CACNA1A: variants seen among roughly 807,000 people sequenced by gnomAD.
CACNA1A encodes the protein voltage-dependent P/Q-type calcium channel subunit alpha-1A.
CACNA1A carries 57 observed loss-of-function variants against 262.4 expected under a neutral mutation model. The observed-to-expected ratio is 0.22, with a 90% CI of 0.18 to 0.27. CACNA1A has a LOEUF of 0.27. Among genes scored for constraint, CACNA1A ranks in the 10% least tolerant of loss-of-function variants. The probability of loss-of-function intolerance (pLI) is 1.00; values close to 1 mark genes in which losing one functional copy is unlikely to be tolerated. For synonymous variants in CACNA1A, 1,431 were observed against 1,419.3 expected (o/e 1.01, Z -0.18); for missense variants, 2,526 against 3,562.8 (o/e 0.71, Z 7.41).
In CACNA1A at chr19:13,298,827, G is replaced by C. The variant is rs1318353774; in HGVS notation, c.2806C>G (p.Gln936Glu). 2.5e-6 allele frequency: 4 copies of C among 1,575,770 alleles called. No individual in the cohort carries two copies. Among genetic ancestry groups the C allele is most frequent in the Non-Finnish European group, 2.6e-6 (3 of 1,171,008 alleles). ...GDPHRRHVHR[Q>E]GGSRESRSGS... ...CTGCGGCTCTCCCTGCTGCCCCCCT[G>C]CCGGTGCACGTGCCTCCGGTGGGGG... Residue 936 changes from glutamine (Q) to glutamate (E), a missense_variant, in exon 19 of 47, where the codon CAG becomes GAG. By Grantham distance (29) the Gln-to-Glu change is conservative. This residue lies in a region of CACNA1A where 765 missense variants were observed against 748.6 expected (regional missense o/e 1.02). Transcript: ENST00000360228.
chr19:13,312,650 T>C lies in CACNA1A; in HGVS notation c.1668+19A>G, dbSNP rs771087905. The C allele has an allele frequency of 2.9e-5, 42 of 1,438,876 alleles. No homozygotes were observed. Among genetic ancestry groups the C allele is most frequent in the Non-Finnish European group, 3.5e-5 (36 of 1,040,184 alleles). The allele number at this position is 1,438,876 out of a possible 1,614,324, so 89.1% of individuals were successfully genotyped here. ...GGCAAGAGCTGGAGAAATGAACTCT[T>C]AGAAACAAGAGCACTTACCCCACAG... On this transcript the variant is annotated intron_variant, in intron 12 of 46. Transcript: ENST00000360228.
intron 3 of CACNA1A, among the ~76,000 whole-genome samples, chr19:13,436,492 T>C (rs1470201304): frequency 6.6e-6 from 1 of 152,228 alleles, no homozygotes; most frequent in East Asian, 1.9e-4. Context: ...TATTATCAGC[T>C]ATGAATTCAT....
chr19:13,308,542 C>T lies in CACNA1A; in HGVS notation c.1669-14G>A. The T allele has an allele frequency of 6.5e-7, 1 of 1,546,548 alleles. No individual in the cohort carries two copies. The highest frequency in any genetic ancestry group is 8.9e-7 in the Non-Finnish European group (1 of 1,123,284). On this transcript the variant is annotated splice_polypyrimidine_tract_variant and intron_variant, in intron 12 of 46. Transcript: ENST00000360228. The surrounding 1 kb of genome is among the most constrained non-coding windows in gnomAD (Gnocchi z 4.2). ...CCCAATGATAACCTAGGGCAGAGAA[C>T]CTGGTCTCATGTCCAGGGACAGTGT...
At position 13,209,379 on chromosome 19, in the gene CACNA1A, C is replaced by A. The variant is rs1445485744; in HGVS notation, c.6459G>T (p.Gln2153His). 1 of 1,396,918 alleles carries A rather than the reference C, an allele frequency of 7.2e-7. No homozygotes were observed. The highest frequency in any genetic ancestry group is 2.8e-5 in the East Asian group (1 of 36,038). 86.5% of individuals were successfully genotyped at this position (1,396,918 alleles called of 1,614,324 possible). Residue 2153 changes from glutamine to histidine, a missense_variant, in exon 45 of 47, where the codon CAG (glutamine) becomes CAT (histidine). By Grantham distance (24) the Gln-to-His change is conservative. This residue lies in a region of CACNA1A where 929 missense variants were observed against 868.1 expected (regional missense o/e 1.07). Coordinates refer to ENST00000360228, the MANE Select transcript of CACNA1A (RefSeq NM_001127222.2). Reference sequence around the variant, plus strand: ...CGCGGTGGCTGCGGTCGCGGCGCCGCTGGTGGTGCCGCTGGTTCTCCTCGG... The same window carrying A: ...CGCGGTGGCTGCGGTCGCGGCGCCGATGGTGGTGCCGCTGGTTCTCCTCGG... ...VPPEENQRHH[Q>H]RRRDRSHRAS...
chr19:13,225,815 T>C lies in CACNA1A; in HGVS notation c.5626-1043A>G, dbSNP rs897657402. On this transcript the variant is annotated intron_variant, in intron 37 of 46. Transcript: ENST00000360228. ...GCAGGTTGTACACCGCACAAAGGGC[T>C]CCCATCTTGGAAATGATAGATTTAT... is the stretch of plus-strand genomic sequence containing the variant. 8 of 152,150 alleles carry C rather than the reference T, an allele frequency of 5.3e-5. No individual in the cohort carries two copies. In the East Asian group the frequency reaches 9.6e-4, roughly 18 times the overall value. 9.4% of individuals were successfully genotyped at this position (152,150 alleles called of 1,614,324 possible). A position where few individuals can be genotyped will look rare whatever the true frequency, so the allele number is the denominator to read the frequency against.
At chr19:13,363,277 G>A (rs903951541) in intron 5 of CACNA1A, 3 of 150,752 alleles carry the variant, frequency 2.0e-5, no homozygotes, top group Admixed American at 1.3e-4. Flanking sequence ...CTCTGCTCAC[G>A]GCTGATTTTT....
intron 10 of CACNA1A, among the ~76,000 whole-genome samples, chr19:13,320,628 G>T (rs747768952): frequency 2.0e-5 from 3 of 152,122 alleles, no homozygotes; most frequent in Non-Finnish European, 4.4e-5. Context: ...AGAGGGAAAT[G>T]AATATTAATT....
At chr19:13,272,523 C>A (rs996745324) in intron 24 of CACNA1A, 3 of 152,260 alleles carry the variant, frequency 2.0e-5, no homozygotes, top group African/African-American at 7.2e-5. Flanking sequence ...CAGCTTTCTC[C>A]AAGCTACACG....
At chr19:13,323,639 G>T (rs1281721818) in intron 10 of CACNA1A, among the ~76,000 whole-genome samples, 1 of 151,824 alleles carries the variant, frequency 6.6e-6, no homozygotes, top group African/African-American at 2.4e-5. Context: ...CTGTTGAGTT[G>T]TTTGAGTTCC....
At chr19:13,302,332 C>T (rs920201435) in intron 17 of CACNA1A, among the ~76,000 whole-genome samples, 6 of 152,180 alleles carry the variant, frequency 3.9e-5, no homozygotes, top group Admixed American at 6.5e-5. Flanking sequence ...CCCTGCTCCA[C>T]GGAGGCAGGG....
chr19:13,228,616 ATATATATATGAAATATATATATT>A, intron 36 of CACNA1A: 1 of 319,964 alleles, frequency 3.1e-6, no homozygotes, highest in Admixed American at 5.0e-5. Flanking sequence ...ATATATATAT[ATATATATATGAAATATATATATT>A]GAAGAACCCC....
intron 3 of CACNA1A, among the ~76,000 whole-genome samples, chr19:13,436,481 G>C (rs561601557): frequency 6.6e-6 from 1 of 152,158 alleles, no homozygotes; most frequent in Non-Finnish European, 1.5e-5. Flanking sequence ...CATGAAGCCT[G>C]TATTATCAGC....
At position 13,400,530 on chromosome 19, in the gene CACNA1A, ATCT is replaced by A. The variant is rs558889156; in HGVS notation, c.540-28754_540-28752del. Reference sequence around the variant, plus strand: ...CCATCATGCTCACTGACTTTAAGAAATCTTCTATTTTTTGCAAGGTTGGTAATT... The same window carrying A: ...CCATCATGCTCACTGACTTTAAGAAATCTATTTTTTGCAAGGTTGGTAATT... On this transcript the variant is annotated intron_variant, in intron 3 of 46. Coordinates refer to ENST00000360228, the MANE Select transcript of CACNA1A (RefSeq NM_001127222.2). Among the ~76,000 whole-genome samples, 40 of 152,234 alleles carry A rather than the reference ATCT, an allele frequency of 2.6e-4. 1 individual carries two copies. In the South Asian group the frequency reaches 7.3e-3, roughly 28 times the overall value.
At position 13,286,500 on chromosome 19, in the gene CACNA1A, C is replaced by A. The variant is rs1057518586; in HGVS notation, c.3553+3G>T. 2 of 1,395,696 alleles carry A rather than the reference C, an allele frequency of 1.4e-6. No homozygotes were observed. The highest frequency in any genetic ancestry group is 2.9e-5 in the South Asian group (2 of 69,404). The allele number at this position is 1,395,696 out of a possible 1,614,324, so 86.5% of individuals were successfully genotyped here. On this transcript the variant is annotated splice_donor_region_variant and intron_variant, in intron 20 of 46. Transcript: ENST00000360228. ...CCAGTGATGTGAGAGCAGAGGGTCT[C>A]ACCTTGTACGACGGTGTGGTTGAGG... is the stretch of plus-strand genomic sequence containing the variant.
intron 1 of CACNA1A, among the ~76,000 whole-genome samples, chr19:13,485,296 A>G (rs1367891712): frequency 6.6e-6 from 1 of 152,242 alleles, no homozygotes; most frequent in Non-Finnish European, 1.5e-5. Context: ...GAAATAACAT[A>G]AAATATATCC....
At chr19:13,464,747 A>G (rs1010950112) in intron 1 of CACNA1A, among the ~76,000 whole-genome samples, 1 of 151,356 alleles carries the variant, frequency 6.6e-6, no homozygotes, top group East Asian at 2.0e-4. Context: ...ACGGGGTTTC[A>G]CCGTGTTAGC....
chr19:13,259,467 C>T (rs778819539), intron 27 of CACNA1A, 97 bp downstream of exon 27: 16 of 1,232,338 alleles, frequency 1.3e-5, no homozygotes, highest in Middle Eastern at 2.8e-4. Flanking sequence ...CCACCATGCC[C>T]GGCCTCCAAG....
intron 19 of CACNA1A, among the ~76,000 whole-genome samples, 152 bp downstream of exon 19, chr19:13,298,392 G>A (rs1243350554): frequency 2.6e-5 from 4 of 151,968 alleles, no homozygotes; most frequent in African/African-American, 9.7e-5. Context: ...GCCTCCCAAA[G>A]TGCTGGGATT....
chr19:13,392,400 GGGCA>G (rs2059725983), intron 3 of CACNA1A, among the ~76,000 whole-genome samples: 1 of 152,150 alleles, frequency 6.6e-6, no homozygotes, highest in African/African-American at 2.4e-5. Flanking sequence ...AATGTGACTT[GGGCA>G]GGTGGAGGCA....
Sources: allele counts gnomAD v4.1 joint callset (sites outside exome capture counted in the v4.1 genomes callset), GRCh38; gene constraint gnomAD v4.1.1; regional missense constraint gnomAD v4.1.1; non-coding constraint Gnocchi (gnomAD v3.1); transcripts MANE v1.5; gene names NCBI Gene and HGNC (gene_info 2026-07-23, HGNC 2026-07-21).